The following MTR variants were observed in gnomAD, a reference collection of about 807,000 sequenced individuals.
MTR encodes methionine synthase.
Under a neutral mutation model 154.8 loss-of-function variants are expected in MTR, and 84 were observed. The observed-to-expected ratio is 0.54, with a 90% CI of 0.45 to 0.65. The LOEUF is 0.65. Among genes scored for constraint, MTR ranks in the 30% least tolerant of loss-of-function variants. MTR has a pLI of 0.00. For synonymous variants in MTR, 554 were observed against 553.9 expected (o/e 1.00, Z 0.00); for missense variants, 1,275 against 1,570.2 (o/e 0.81, Z 3.18).
At chr1:236,897,200 A>T in intron 32 of MTR, 82 bp downstream of exon 32, 1 of 1,094,520 alleles carries the variant, frequency 9.1e-7, no homozygotes, top group Non-Finnish European at 1.4e-6. Flanking sequence ...TGTGAATGAG[A>T]ATAAAGTGAG....
chr1:236,886,101 C>T (rs1472400400), intron 26 of MTR, among the ~76,000 whole-genome samples, 191 bp from the exon 27 acceptor site: 1 of 151,044 alleles, frequency 6.6e-6, no homozygotes, highest in Admixed American at 6.6e-5. Context: ...TAAGTCTTTA[C>T]TATCTATTGT....
intron 8 of MTR, among the ~76,000 whole-genome samples, chr1:236,817,554 G>C (rs1357467190): frequency 2.6e-5 from 4 of 152,304 alleles, no homozygotes; most frequent in Admixed American, 2.6e-4. Flanking sequence ...AACACCTTGA[G>C]GGTAGGTACT....
intron 13 of MTR, 62 bp from the exon 14 acceptor site, chr1:236,835,485 C>T (rs1400502899): frequency 2.1e-5 from 34 of 1,595,134 alleles, no homozygotes; most frequent in Non-Finnish European, 2.8e-5. Flanking sequence ...GGAATTACCT[C>T]ATTAGCCTTT....
intron 14 of MTR, among the ~76,000 whole-genome samples, chr1:236,837,475 T>C (rs901081275): frequency 3.3e-5 from 5 of 152,240 alleles, no homozygotes; most frequent in Non-Finnish European, 1.5e-5. Context: ...TACTACACTT[T>C]ATGTCATTAC....
chr1:236,897,503 C>G, intron 32 of MTR, 55 bp from the exon 33 acceptor site: 1 of 1,517,746 alleles, frequency 6.6e-7, no homozygotes, highest in Non-Finnish European at 9.2e-7. Context: ...GTGGAAACTT[C>G]TATTCCAAAA....
intron 14 of MTR, among the ~76,000 whole-genome samples, chr1:236,838,194 G>A (rs1346638168): frequency 6.6e-6 from 1 of 152,192 alleles, no homozygotes; most frequent in Admixed American, 6.5e-5. Context: ...TCTTTGAGTT[G>A]TAAATCCCTG....
intron 22 of MTR, among the ~76,000 whole-genome samples, chr1:236,866,575 A>G (rs1183438341): frequency 2.6e-5 from 4 of 152,228 alleles, no homozygotes; most frequent in Admixed American, 1.3e-4. Context: ...AAAGTTAGAC[A>G]TGATTAAGTT....
At chr1:236,847,099 C>G (rs573767083) in intron 15 of MTR, among the ~76,000 whole-genome samples, 1 of 152,212 alleles carries the variant, frequency 6.6e-6, no homozygotes, top group East Asian at 1.9e-4. Context: ...GTTGGCCAGG[C>G]TGTTCTCGAA....
In MTR at chr1:236,897,640, A is replaced by C; in HGVS notation, c.3794A>C (p.Asp1265Ala). The change falls in exon 33 of 33, where the codon GAC (aspartate) becomes GCC (alanine). Residue 1265 changes from aspartate (D) to alanine (A), a missense_variant. Transcript: ENST00000366577. ...GGACCCATTTTGGGATATGATACAG[A>C]CTAACTTTTTTTTTTTTTTTGCCTT... ...WLGPILGYDT[D>A] 2 of 1,608,924 alleles carry C rather than the reference A, an allele frequency of 1.2e-6. No homozygotes were observed. The highest frequency in any genetic ancestry group is 1.7e-6 in the Non-Finnish European group (2 of 1,177,720).
At chr1:236,815,782 T>C (rs775410178) in intron 7 of MTR, 119 bp downstream of exon 7, 14 of 958,872 alleles carry the variant, frequency 1.5e-5, no homozygotes, top group Non-Finnish European at 2.3e-5. Flanking sequence ...TCATCTACTT[T>C]AACTTCCATT....
rs1666761176 is a variant in MTR at position 236,898,054 on chromosome 1, G to A, written c.*410G>A. ...GAAACTGAGTTGAATAGAGAAGTGT[G>A]ACCCTGTGACAAAATGATACTGTGA... On this transcript the variant is annotated 3_prime_UTR_variant, in exon 33 of 33. Coordinates refer to ENST00000366577, the MANE Select transcript of MTR (RefSeq NM_000254.3). 4.5e-6 allele frequency: 1 copy of A among 219,802 alleles called. No individual in the cohort carries two copies. Among genetic ancestry groups the A allele is most frequent in the African/African-American group, 2.4e-5 (1 of 42,172 alleles). 13.6% of individuals were successfully genotyped at this position (219,802 alleles called of 1,614,324 possible). A position where few individuals can be genotyped will look rare whatever the true frequency, so the allele number is the denominator to read the frequency against.
chr1:236,810,432 T>A, intron 4 of MTR, 71 bp from the exon 5 acceptor site: 2 of 1,218,442 alleles, frequency 1.6e-6, no homozygotes, highest in Non-Finnish European at 2.4e-6. Flanking sequence ...AAAAATCTTA[T>A]TGGCTATTCA....
intron 5 of MTR, chr1:236,811,752 A>C (rs1262888784): frequency 2.2e-6 from 1 of 454,314 alleles, no homozygotes; most frequent in Admixed American, 2.4e-5. Flanking sequence ...TGCATCTTTA[A>C]GCAAAATGAT....
chr1:236,834,021 G>T (rs1425583787), intron 13 of MTR, among the ~76,000 whole-genome samples: 1 of 152,088 alleles, frequency 6.6e-6, no homozygotes, highest in African/African-American at 2.4e-5. Flanking sequence ...CACATTGTAT[G>T]GCAGTGCCCA....
At chr1:236,799,167 A>G (rs1305880991) in intron 1 of MTR, among the ~76,000 whole-genome samples, 1 of 152,064 alleles carries the variant, frequency 6.6e-6, no homozygotes, top group Non-Finnish European at 1.5e-5. Flanking sequence ...CTGTTGCCCA[A>G]GCTGAGGGCA....
chr1:236,857,895 T>C (rs1664293839), intron 18 of MTR, among the ~76,000 whole-genome samples: 1 of 151,988 alleles, frequency 6.6e-6, no homozygotes, highest in African/African-American at 2.4e-5. Flanking sequence ...AGGCCAAGGT[T>C]TGGGGGTAGA....
At chr1:236,894,655 T>C (rs956473551) in intron 30 of MTR, 98 bp downstream of exon 30, 28 of 1,180,200 alleles carry the variant, frequency 2.4e-5, no homozygotes, top group Middle Eastern at 2.8e-4. Context: ...TTAGAACCAG[T>C]GTCTTTTTTT....
intron 2 of MTR, 35 bp downstream of exon 2, chr1:236,803,677 C>A: frequency 6.3e-7 from 1 of 1,588,310 alleles, no homozygotes; most frequent in Non-Finnish European, 8.6e-7. Flanking sequence ...TGTATTCATT[C>A]TGTTATTCTG....
intron 32 of MTR, among the ~76,000 whole-genome samples, 192 bp downstream of exon 32, chr1:236,897,310 G>GCGCGCGCGCGCACGCACACACACACA: frequency 7.8e-6 from 1 of 128,614 alleles, no homozygotes; most frequent in Non-Finnish European, 1.7e-5. Context: ...CCACACACAC[G>GCGCGCGCGCGCACGCACACACACACA]CACACACACA....
Sources: gnomAD v4.1 joint callset for allele counts (sites outside exome capture counted in the v4.1 genomes callset) on GRCh38, gnomAD v4.1.1 for gene constraint, MANE v1.5 for transcripts, NCBI Gene and HGNC (gene_info 2026-07-23, HGNC 2026-07-21) for gene names.